Variants in INTS8 observed in about 807,000 individuals in gnomAD.
INTS8 encodes the protein protein kaonashi-1.
INTS8 carries 47 observed loss-of-function variants against 138.9 expected under a neutral mutation model. The ratio of observed to expected loss-of-function variants is 0.34; its 90% CI spans 0.27 to 0.43. The LOEUF (loss-of-function observed/expected upper bound fraction) is 0.43, where lower values mean the gene tolerates loss of function less well. Ranked by LOEUF, INTS8 falls within the 20% of genes least tolerant of loss-of-function variation. The pLI is 1.00. For synonymous variants in INTS8, 392 were observed against 400.9 expected, an observed-to-expected ratio of 0.98 and a Z score of 0.27; for missense variants, 996 against 1,173.0, an observed-to-expected ratio of 0.85 and a Z score of 2.20.
At chr8:94,862,254 A>G (rs1453548093) in intron 16 of INTS8, among the ~76,000 whole-genome samples, 4 of 152,120 alleles carry the variant, frequency 2.6e-5, no homozygotes, top group Non-Finnish European at 4.4e-5. Flanking sequence ...AATCATTTCT[A>G]TCTCTTTAGT....
chr8:94,874,644 G>A (rs1400354486), intron 23 of INTS8, 42 bp downstream of exon 23: 5 of 1,131,850 alleles, frequency 4.4e-6, no homozygotes, highest in Non-Finnish European at 5.3e-6. Context: ...TTTTACATAT[G>A]TTAGAGTTTA....
chr8:94,834,600 A>G (rs1814855029), intron 6 of INTS8, among the ~76,000 whole-genome samples: 3 of 151,916 alleles, frequency 2.0e-5, no homozygotes, highest in Admixed American at 2.0e-4. Flanking sequence ...GCTACTCGGC[A>G]GGCTGAGGCA....
In INTS8 at chr8:94,876,287, T is replaced by C. The variant is rs1175533203; in HGVS notation, c.2827+2T>C. Reference sequence around the variant, plus strand: ...TTACCATTTTGGAATACTTGACTTGTATCCTTTCATCCATGTGTGTGATGT... The same window carrying C: ...TTACCATTTTGGAATACTTGACTTGCATCCTTTCATCCATGTGTGTGATGT... On this transcript the variant is annotated splice_donor_variant, in intron 25 of 26. Coordinates refer to ENST00000523731, the MANE Select transcript of INTS8 (RefSeq NM_017864.4). LOFTEE classifies it high-confidence loss of function. 6.2e-7 allele frequency: 1 copy of C among 1,601,292 alleles called. No homozygotes were observed. The highest frequency in any genetic ancestry group is 8.6e-7 in the Non-Finnish European group (1 of 1,168,904).
intron 8 of INTS8, among the ~76,000 whole-genome samples, chr8:94,839,971 T>C (rs1352914931): frequency 2.0e-5 from 3 of 152,182 alleles, no homozygotes; most frequent in Non-Finnish European, 1.5e-5. Flanking sequence ...CTTAGGAATA[T>C]CACCCAGAGA....
intron 15 of INTS8, among the ~76,000 whole-genome samples, chr8:94,858,074 T>C (rs1171879344): frequency 6.6e-6 from 1 of 152,258 alleles, no homozygotes; most frequent in Non-Finnish European, 1.5e-5. Context: ...TGTCTTACTA[T>C]GAAAAGGGGC....
chr8:94,879,066 G>A (rs1344852578), intron 26 of INTS8, among the ~76,000 whole-genome samples: 1 of 152,052 alleles, frequency 6.6e-6, no homozygotes, highest in Non-Finnish European at 1.5e-5. Flanking sequence ...TCAAATATCT[G>A]GCTCCTATTC....
In INTS8 at chr8:94,824,971, A is replaced by C. The variant is rs369063673; in HGVS notation, c.209A>C (p.Gln70Pro). Residue 70 changes from glutamine to proline, a missense_variant, in exon 2 of 27, where the codon CAA becomes CCA. Transcript: ENST00000523731. ...TCAGTTAATGAACAAAACCAAGTTC[A>C]ACCTCCGCCTGATAACAAGAGAAAT... ...KPSVNEQNQV[Q>P]PPPDNKRNRI... 1 of 1,613,016 alleles carries C rather than the reference A, an allele frequency of 6.2e-7. No individual in the cohort carries two copies. Among genetic ancestry groups the C allele is most frequent in the Non-Finnish European group, 8.5e-7 (1 of 1,179,188 alleles).
chr8:94,838,691 C>A, intron 8 of INTS8, 73 bp downstream of exon 8: 1 of 1,258,506 alleles, frequency 7.9e-7, no homozygotes, highest in Non-Finnish European at 1.1e-6. Context: ...TCGCACCATC[C>A]ATTTACCAGT....
At chr8:94,868,250 G>T (rs1469895117) in intron 20 of INTS8, among the ~76,000 whole-genome samples, 1 of 152,082 alleles carries the variant, frequency 6.6e-6, no homozygotes, top group Non-Finnish European at 1.5e-5. Flanking sequence ...GAATCAACTT[G>T]TTTCCTCACA....
Position 94,853,822 on chromosome 8 carries a change from C to T in INTS8, c.1659C>T (p.Val553=). The T allele has an allele frequency of 6.2e-7, 1 of 1,605,046 alleles. No homozygotes were observed. The highest frequency in any genetic ancestry group is 8.5e-7 in the Non-Finnish European group (1 of 1,171,856). The part of the protein sequence containing the change: ...TVSNKWEVPS[V]YSGVILGIKD... ...TCTTTTAGTGGGAAGTACCTTCTGT[C>T]TATAGTGGTGTTATCCTGGGAATTA... is the stretch of plus-strand genomic sequence containing the variant. Residue 553 remains valine, a synonymous_variant, in exon 14 of 27, where the codon GTC becomes GTT. Transcript: ENST00000523731.
At chr8:94,857,594 C>G (rs983336851) in intron 15 of INTS8, among the ~76,000 whole-genome samples, 2 of 152,138 alleles carry the variant, frequency 1.3e-5, no homozygotes, top group South Asian at 4.1e-4. Flanking sequence ...TGTGCTGCCC[C>G]CAAAGGCTCC....
intron 6 of INTS8, among the ~76,000 whole-genome samples, chr8:94,834,931 A>C (rs7001337): frequency 1.6e-3 from 239 of 152,274 alleles, no homozygotes; most frequent in African/African-American, 5.5e-3. Flanking sequence ...TTGTGGTATA[A>C]AAGGAGTAAG....
Position 94,838,475 on chromosome 8 carries a change from T to G in INTS8, c.874T>G (p.Ser292Ala). ...TCTTACTTTACAGATAGGTTCATTA[T>G]CTCTTCATTGTACCATAGATGAGAA... ...KELIAEIGSL[S>A]LHCTIDEKRL... Residue 292 changes from serine (S) to alanine (A), a missense_variant, in exon 8 of 27, where the codon TCT (serine) becomes GCT (alanine). Coordinates refer to ENST00000523731, the MANE Select transcript of INTS8 (RefSeq NM_017864.4). 1.9e-6 allele frequency: 3 copies of G among 1,612,818 alleles called. No homozygotes were observed. Among genetic ancestry groups the G allele is most frequent in the East Asian group, 2.2e-5 (1 of 44,880 alleles).
At position 94,881,517 on chromosome 8, in the gene INTS8, T is replaced by C. The variant is rs1233683375; in HGVS notation, c.*1283T>C. ...AAAATCAGAATGGCAGTGTAACTTG[T>C]GAATTGGCTAGGGCAATCAATCACA... On this transcript the variant is annotated 3_prime_UTR_variant, in exon 27 of 27. Transcript: ENST00000523731. 1 of 955,210 alleles carries C rather than the reference T, an allele frequency of 1.0e-6. No homozygotes were observed. Among genetic ancestry groups the C allele is most frequent in the African/African-American group, 1.7e-5 (1 of 59,928 alleles). The allele number at this position is 955,210 out of a possible 1,614,324, so 59.2% of individuals were successfully genotyped here. A position where few individuals can be genotyped will look rare whatever the true frequency, so the allele number is the denominator to read the frequency against.
At chr8:94,871,648 A>T (rs925573795) in intron 20 of INTS8, among the ~76,000 whole-genome samples, 16 of 152,348 alleles carry the variant, frequency 1.1e-4, no homozygotes, top group South Asian at 6.2e-4. Flanking sequence ...TACCTTTGAC[A>T]TTCTGAAGAA....
At chr8:94,874,664 T>A in intron 23 of INTS8, 62 bp downstream of exon 23, 1 of 947,932 alleles carries the variant, frequency 1.1e-6, no homozygotes, top group African/African-American at 1.7e-5. Flanking sequence ...ATAATAAATA[T>A]AAAGCATTGA....
At chr8:94,872,374 T>C (rs879506411) in intron 21 of INTS8, among the ~76,000 whole-genome samples, 2 of 151,954 alleles carry the variant, frequency 1.3e-5, no homozygotes, top group African/African-American at 4.8e-5. Flanking sequence ...GCTGGGATTA[T>C]AGGCACCCAC....
In INTS8 at chr8:94,856,947, A is replaced by G. The variant is rs1420914746; in HGVS notation, c.1923A>G (p.Arg641=). The part of the protein sequence containing the change: ...GERPPSDLIS[R]VRGYLEMRLP... ...GACCGCCATCCGACCTTATAAGTAG[A>G]GTACGAGGCTATCTGGAAATGAGGC... The change falls in exon 15 of 27, where the codon AGA becomes AGG. Residue 641 remains arginine (R), a synonymous_variant. Transcript: ENST00000523731. 1.9e-6 allele frequency: 3 copies of G among 1,614,166 alleles called. No individual in the cohort carries two copies.
chr8:94,850,771 C>T (rs1815512651), intron 12 of INTS8, among the ~76,000 whole-genome samples: 1 of 152,112 alleles, frequency 6.6e-6, no homozygotes, highest in South Asian at 2.1e-4. Context: ...GTCTATATCA[C>T]TGTGCTAGTA....
Sources: gnomAD v4.1 joint callset for allele counts (sites outside exome capture counted in the v4.1 genomes callset) on GRCh38, gnomAD v4.1.1 for gene constraint, MANE v1.5 for transcripts, NCBI Gene and HGNC (gene_info 2026-07-23, HGNC 2026-07-21) for gene names.